FBXW7: variants seen among roughly 807,000 people sequenced by gnomAD.
The protein encoded by FBXW7 is F-box and WD repeat domain containing 7.
In FBXW7, 11 loss-of-function variants were observed where a neutral mutation model predicts 86.3. That is an observed-to-expected ratio of 0.13 (90% confidence interval 0.08 to 0.21). The LOEUF is 0.21. FBXW7 is among the 10% of genes least tolerant of loss of function. The pLI is 1.00. For synonymous variants in FBXW7, 313 were observed against 297.9 expected (o/e 1.05, Z -0.52); for missense variants, 488 against 847.4 (o/e 0.58, Z 5.27).
chr4:152,380,276 A>G (rs1338928219), intron 4 of FBXW7, among the ~76,000 whole-genome samples: 1 of 152,008 alleles, frequency 6.6e-6, no homozygotes, highest in African/African-American at 2.4e-5. Flanking sequence ...TTTCTAATAA[A>G]GAAAAATGGG....
chr4:152,358,511 T>TA (rs75134488), intron 4 of FBXW7, among the ~76,000 whole-genome samples: 1,437 of 120,958 alleles, frequency 0.012, 16 homozygotes, highest in African/African-American at 0.022. Flanking sequence ...AGCTAAAGAC[T>TA]AAAAAAAAAA....
intron 4 of FBXW7, among the ~76,000 whole-genome samples, chr4:152,369,062 CTTCTTTT>C (rs1295030956): frequency 3.3e-5 from 5 of 152,034 alleles, no homozygotes; most frequent in Non-Finnish European, 7.4e-5. Flanking sequence ...TGCTGTGCAT[CTTCTTTT>C]ACCACTTGAA....
In FBXW7 at chr4:152,411,589, G is replaced by C. The variant is rs1325241640; in HGVS notation, c.215C>G (p.Ser72Cys). Reference sequence around the variant, plus strand: ...GTTTTCTTCCAACTGTCCTTGCTGGGAATCATTTTGGCCTCCAGGTCTAGG... The same window carrying C: ...GTTTTCTTCCAACTGTCCTTGCTGGCAATCATTTTGGCCTCCAGGTCTAGG... ...VEPRPGGQND[S>C]QQGQLEENNN... Residue 72 changes from serine (S) to cysteine (C), a missense_variant, in exon 4 of 14, where the codon TCC becomes TGC. Transcript: ENST00000281708. 4.3e-6 allele frequency: 7 copies of C among 1,613,760 alleles called. No homozygotes were observed. The Admixed American group carries it at 1.2e-4, about 27-fold the overall frequency.
At chr4:152,352,459 A>G in intron 4 of FBXW7, 1 of 1,613,784 alleles carries the variant, frequency 6.2e-7, no homozygotes, top group South Asian at 1.1e-5. Context: ...GGAAGAAAAC[A>G]GCTTACTTAC....
intron 6 of FBXW7, among the ~76,000 whole-genome samples, chr4:152,342,589 G>GTAC (rs1730856063): frequency 6.6e-6 from 1 of 152,102 alleles, no homozygotes; most frequent in Admixed American, 6.6e-5. Context: ...TATGACCTTG[G>GTAC]GTAGTACTGC....
intron 2 of FBXW7, among the ~76,000 whole-genome samples, chr4:152,454,528 A>G (rs776154840): frequency 1.8e-4 from 28 of 152,142 alleles, no homozygotes; most frequent in Non-Finnish European, 4.0e-4. Flanking sequence ...CTTTAAGTCT[A>G]TTGGTAATTT....
intron 2 of FBXW7, among the ~76,000 whole-genome samples, chr4:152,531,888 T>A (rs1210659389): frequency 2.6e-5 from 4 of 152,126 alleles, no homozygotes; most frequent in African/African-American, 9.7e-5. Flanking sequence ...AAAAAAAATT[T>A]TAGCTTGTTT....
chr4:152,508,786 T>C (rs1166533936), intron 2 of FBXW7, among the ~76,000 whole-genome samples: 2 of 152,060 alleles, frequency 1.3e-5, no homozygotes, highest in Non-Finnish European at 2.9e-5. Flanking sequence ...TTTTTCCTTT[T>C]CTTAACCTAG....
intron 4 of FBXW7, among the ~76,000 whole-genome samples, chr4:152,356,066 AGTT>A (rs2126677670): frequency 6.6e-6 from 1 of 152,294 alleles, no homozygotes; most frequent in Admixed American, 6.5e-5. Flanking sequence ...TAAAGGATGT[AGTT>A]AATAGAGTAC....
At chr4:152,337,757 A>G in intron 7 of FBXW7, 45 bp downstream of exon 7, 1 of 1,559,474 alleles carries the variant, frequency 6.4e-7, no homozygotes, top group Non-Finnish European at 8.7e-7. Context: ...GTTGAGTTAT[A>G]TATTCAAATA....
intron 2 of FBXW7, among the ~76,000 whole-genome samples, chr4:152,519,250 A>T (rs998938847): frequency 8.5e-5 from 13 of 152,168 alleles, no homozygotes; most frequent in Non-Finnish European, 1.5e-5. Flanking sequence ...GTGAGCCAAG[A>T]TCACACCACT....
chr4:152,501,061 G>T (rs1253093588), intron 2 of FBXW7, among the ~76,000 whole-genome samples: 1 of 152,204 alleles, frequency 6.6e-6, no homozygotes, highest in African/African-American at 2.4e-5. Context: ...CACTGTGGAA[G>T]AAGCTTAAGA....
intron 2 of FBXW7, among the ~76,000 whole-genome samples, chr4:152,480,843 T>C (rs1256280432): frequency 2.6e-5 from 4 of 152,148 alleles, no homozygotes; most frequent in African/African-American, 9.7e-5. Flanking sequence ...GAAGAAAAGT[T>C]TGAAGCTAGC....
rs149141972 is a variant in FBXW7, at chr4:152,533,977, A to G, written c.-120+964T>C. Among the ~76,000 whole-genome samples, 16 of 152,328 alleles carry G rather than the reference A, an allele frequency of 1.1e-4. No homozygotes were observed. The East Asian group carries it at 3.1e-3, about 29-fold the overall frequency. On this transcript the variant is annotated intron_variant, in intron 2 of 13. Coordinates refer to ENST00000281708, the MANE Select transcript of FBXW7 (RefSeq NM_001349798.2). ...GACGGACCACAATTCTCAGTATACT[A>G]CTGTCTATGTCTTCTTACATAAAAT...
chr4:152,527,521 A>G (rs866821060), intron 2 of FBXW7, among the ~76,000 whole-genome samples: 1 of 152,220 alleles, frequency 6.6e-6, no homozygotes, highest in African/African-American at 2.4e-5. Context: ...TAATCTCAAC[A>G]CTTTGGGAGG....
At chr4:152,449,843 G>A (rs544175365) in intron 2 of FBXW7, among the ~76,000 whole-genome samples, 4 of 152,216 alleles carry the variant, frequency 2.6e-5, no homozygotes, top group East Asian at 3.9e-4. Context: ...AGGGAGGGTC[G>A]CATTAATACA....
chr4:152,394,170 A>G (rs1736221464), intron 4 of FBXW7, among the ~76,000 whole-genome samples: 1 of 152,098 alleles, frequency 6.6e-6, no homozygotes, highest in Non-Finnish European at 1.5e-5. Context: ...TTTGTTTATA[A>G]TCATCTCTTC....
At position 152,516,758 on chromosome 4, in the gene FBXW7, C is replaced by A. The variant is rs148239855; in HGVS notation, c.-120+18183G>T. Reference sequence around the variant, plus strand: ...TAATTTTTTAAAGAAAGTGTAACTTCTAAGAATTTATTTCTTCCACCAAGT... The same window carrying A: ...TAATTTTTTAAAGAAAGTGTAACTTATAAGAATTTATTTCTTCCACCAAGT... On this transcript the variant is annotated intron_variant, in intron 2 of 13. Transcript: ENST00000281708. 5.3e-5 allele frequency among the ~76,000 whole-genome samples: 8 copies of A among 152,314 alleles called. No individual in the cohort carries two copies. In the East Asian group the frequency reaches 1.5e-3, roughly 29 times the overall value.
intron 2 of FBXW7, among the ~76,000 whole-genome samples, chr4:152,491,520 G>A (rs930422053): frequency 1.3e-5 from 2 of 152,074 alleles, no homozygotes; most frequent in East Asian, 1.9e-4. Flanking sequence ...CCCCATGGAC[G>A]TGACGTTTAG....
Sources: allele counts gnomAD v4.1 joint callset (sites outside exome capture counted in the v4.1 genomes callset), GRCh38; gene constraint gnomAD v4.1.1; transcripts MANE v1.5; gene names NCBI Gene and HGNC (gene_info 2026-07-23, HGNC 2026-07-21).